The following SNAPC1 variants were observed in gnomAD, a reference collection of about 807,000 sequenced individuals.
SNAPC1 encodes snRNA-activating protein complex subunit 1.
Under a neutral mutation model 50.1 loss-of-function variants are expected in SNAPC1, and 42 were observed. The observed-to-expected ratio is 0.84, with a 90% CI of 0.65 to 1.08. The LOEUF is 1.08. Among genes scored for constraint, SNAPC1 ranks in the 50% least tolerant of loss-of-function variants. The pLI is 0.00. For missense variants in SNAPC1, 477 were observed against 427.3 expected (o/e 1.12, Z -1.02); for synonymous variants, 164 against 144.2 (o/e 1.14, Z -0.98).
At chr14:61,786,395 A>G (rs1359100432) in intron 8 of SNAPC1, among the ~76,000 whole-genome samples, 5 of 152,218 alleles carry the variant, frequency 3.3e-5, no homozygotes, top group African/African-American at 7.2e-5. Flanking sequence ...TTTGCAAACT[A>G]CTACGCTGAT....
In SNAPC1 at chr14:61,794,850, A is replaced by T. The variant is rs141347105; in HGVS notation, c.1073-99A>T. The T allele has an allele frequency of 6.4e-4, 507 of 791,318 alleles. 3 individuals carry two copies. In the East Asian group the frequency reaches 0.011, roughly 17 times the overall value. 49.0% of individuals were successfully genotyped at this position (791,318 alleles called of 1,614,324 possible). ...AGACGTCTATGTAGTTGAAATGTGTATTATCAATTAGGTATTATCATGTAA... is the reference window on the plus strand; with the variant it reads ...AGACGTCTATGTAGTTGAAATGTGTTTTATCAATTAGGTATTATCATGTAA... On this transcript the variant is annotated intron_variant, in intron 9 of 9. Coordinates refer to ENST00000216294, the MANE Select transcript of SNAPC1 (RefSeq NM_003082.4).
chr14:61,771,190 G>A (rs1214481454), intron 4 of SNAPC1, among the ~76,000 whole-genome samples: 1 of 152,142 alleles, frequency 6.6e-6, no homozygotes, highest in Non-Finnish European at 1.5e-5. Context: ...CAGGAACTCT[G>A]GGAAAATATT....
intron 8 of SNAPC1, among the ~76,000 whole-genome samples, chr14:61,783,596 C>T (rs1474198283): frequency 6.9e-5 from 9 of 131,024 alleles, no homozygotes; most frequent in East Asian, 2.4e-4. Context: ...AGTGCAGTGG[C>T]GCGATCTCGG....
chr14:61,789,041 GCCAATATGGTGAAACC>G (rs1239557281), intron 8 of SNAPC1, among the ~76,000 whole-genome samples: 1 of 152,120 alleles, frequency 6.6e-6, no homozygotes, highest in Non-Finnish European at 1.5e-5. Flanking sequence ...AACCAGCCTG[GCCAATATGGTGAAACC>G]CCACCTCTAC....
At position 61,795,197 on chromosome 14, in the gene SNAPC1, T is replaced by G. The variant is rs1385316852; in HGVS notation, c.*214T>G. 2.0e-6 allele frequency: 1 copy of G among 504,456 alleles called. No individual in the cohort carries two copies. Among genetic ancestry groups the G allele is most frequent in the African/African-American group, 2.0e-5 (1 of 49,932 alleles). The allele number at this position is 504,456 out of a possible 1,614,324, so 31.2% of individuals were successfully genotyped here. Reference sequence around the variant, plus strand: ...CATTTTCTTTAATGATTTGCATAAATGGAGATAAAACTTGTATTTAGTATG... The same window carrying G: ...CATTTTCTTTAATGATTTGCATAAAGGGAGATAAAACTTGTATTTAGTATG... On this transcript the variant is annotated 3_prime_UTR_variant, in exon 10 of 10. Coordinates refer to ENST00000216294, the MANE Select transcript of SNAPC1 (RefSeq NM_003082.4).
intron 8 of SNAPC1, among the ~76,000 whole-genome samples, chr14:61,783,779 T>C (rs1487573978): frequency 6.6e-6 from 1 of 151,830 alleles, no homozygotes; most frequent in Non-Finnish European, 1.5e-5. Context: ...ACTTCGTGAT[T>C]CGCCCGCCTT....
Position 61,768,700 on chromosome 14 carries a change from G to A in SNAPC1, c.494G>A (p.Ser165Asn). ...GTTACAGAAGAATTTAAGGACCCAA[G>A]TGATCGTGTGATGAAACTTATCACT... ...AEVTEEFKDP[S>N]DRVMKLITSD... Residue 165 changes from serine to asparagine, a missense_variant, in exon 4 of 10, where the codon AGT becomes AAT. By Grantham distance (46) the Ser-to-Asn change is conservative. Transcript: ENST00000216294. The A allele has an allele frequency of 6.2e-7, 1 of 1,611,946 alleles. No homozygotes were observed. The highest frequency in any genetic ancestry group is 8.5e-7 in the Non-Finnish European group (1 of 1,178,406).
intron 8 of SNAPC1, among the ~76,000 whole-genome samples, chr14:61,783,740 A>G (rs1416362041): frequency 2.6e-5 from 4 of 151,908 alleles, no homozygotes; most frequent in Admixed American, 1.3e-4. Context: ...GGGTTTCACT[A>G]TGTTGGCCAG....
chr14:61,783,751 G>A (rs567146923), intron 8 of SNAPC1, among the ~76,000 whole-genome samples: 1 of 151,946 alleles, frequency 6.6e-6, no homozygotes, highest in East Asian at 1.9e-4. Context: ...TGTTGGCCAG[G>A]CTGGTCTTGA....
intron 8 of SNAPC1, among the ~76,000 whole-genome samples, chr14:61,791,345 T>C (rs914418677): frequency 1.3e-5 from 2 of 152,226 alleles, no homozygotes; most frequent in Non-Finnish European, 2.9e-5. Context: ...TATTTTTTGC[T>C]ATCTTTCTCA....
rs1001218174 is a variant in SNAPC1 at position 61,796,020 on chromosome 14, T to C, written c.*1037T>C. ...TAACCTGTTTCACAGTTGATTATAC[T>C]TCATGCTGTTTTCCAGCATGGTATT... On this transcript the variant is annotated 3_prime_UTR_variant, in exon 10 of 10. Transcript: ENST00000216294. 2.0e-5 allele frequency: 3 copies of C among 152,168 alleles called. No homozygotes were observed. The highest frequency in any genetic ancestry group is 4.4e-5 in the Non-Finnish European group (3 of 68,020). The allele number at this position is 152,168 out of a possible 1,614,324, so 9.4% of individuals were successfully genotyped here.
intron 4 of SNAPC1, among the ~76,000 whole-genome samples, chr14:61,769,488 C>T (rs2140175610): frequency 6.6e-6 from 1 of 150,654 alleles, no homozygotes; most frequent in South Asian, 2.1e-4. Flanking sequence ...ACCTCCGCCT[C>T]CCAGGTTCAA....
At chr14:61,787,671 G>T (rs1164062228) in intron 8 of SNAPC1, among the ~76,000 whole-genome samples, 1 of 152,180 alleles carries the variant, frequency 6.6e-6, no homozygotes, top group African/African-American at 2.4e-5. Context: ...AAGTACTGCC[G>T]CTGGGATTGG....
At chr14:61,777,611 A>AC (rs2045044543) in intron 5 of SNAPC1, among the ~76,000 whole-genome samples, 1 of 109,556 alleles carries the variant, frequency 9.1e-6, no homozygotes, top group Non-Finnish European at 1.9e-5. Flanking sequence ...TTTAGTTTTA[A>AC]TTTTTTTTTT....
At position 61,762,430 on chromosome 14, in the gene SNAPC1, G is replaced by C; in HGVS notation, c.-31G>C. 1 of 1,605,766 alleles carries C rather than the reference G, an allele frequency of 6.2e-7. No individual in the cohort carries two copies. ...GCTGGCTAGTCCGTTAGAGGCGTGC[G>C]GGCTTCGGAGGCGTGCGGGCTTCGG... On this transcript the variant is annotated 5_prime_UTR_variant, in exon 1 of 10. Coordinates refer to ENST00000216294, the MANE Select transcript of SNAPC1 (RefSeq NM_003082.4).
At chr14:61,780,963 C>A (rs2045067756) in intron 7 of SNAPC1, among the ~76,000 whole-genome samples, 1 of 151,970 alleles carries the variant, frequency 6.6e-6, no homozygotes, top group Admixed American at 6.6e-5. Flanking sequence ...ATATGACAAT[C>A]ATTTACATAG....
chr14:61,780,938 A>G (rs1431823362), intron 7 of SNAPC1, among the ~76,000 whole-genome samples: 1 of 152,178 alleles, frequency 6.6e-6, no homozygotes, highest in Non-Finnish European at 1.5e-5. Context: ...TTTCCTTGCC[A>G]TTATTCCTTG....
rs1191048032 is a variant in SNAPC1 at position 61,762,426 on chromosome 14, G to A, written c.-35G>A. 3.1e-6 allele frequency: 5 copies of A among 1,604,706 alleles called. No individual in the cohort carries two copies. The highest frequency in any genetic ancestry group is 1.1e-5 in the South Asian group (1 of 90,834). On this transcript the variant is annotated 5_prime_UTR_variant, in exon 1 of 10. In the 5' UTR this introduces an upstream ATG that the reference lacks. Transcript: ENST00000216294. ...CACCGCTGGCTAGTCCGTTAGAGGCGTGCGGGCTTCGGAGGCGTGCGGGCT... is the reference window on the plus strand; with the variant it reads ...CACCGCTGGCTAGTCCGTTAGAGGCATGCGGGCTTCGGAGGCGTGCGGGCT...
chr14:61,784,913 G>A (rs1311174371), intron 8 of SNAPC1, among the ~76,000 whole-genome samples: 1 of 152,134 alleles, frequency 6.6e-6, no homozygotes, highest in Non-Finnish European at 1.5e-5. Flanking sequence ...AAATTATCAT[G>A]ATATGTGAAT....
Sources: gnomAD v4.1 joint callset for allele counts (sites outside exome capture counted in the v4.1 genomes callset) on GRCh38, gnomAD v4.1.1 for gene constraint, MANE v1.5 for transcripts, NCBI Gene and HGNC (gene_info 2026-07-23, HGNC 2026-07-21) for gene names.